Variants in CADPS observed in about 807,000 individuals in gnomAD.
The protein encoded by CADPS is calcium dependent secretion activator, also known as calcium-dependent secretion activator 1.
Under a neutral mutation model 167.3 loss-of-function variants are expected in CADPS, and 57 were observed. That is an observed-to-expected ratio of 0.34 (90% CI 0.28 to 0.42). CADPS has a LOEUF of 0.42. CADPS is among the 20% of genes least tolerant of loss of function. The pLI is 1.00. For synonymous variants in CADPS, 676 were observed against 635.3 expected (o/e 1.06, Z -0.96); for missense variants, 1,414 against 1,738.1 (o/e 0.81, Z 3.32).
chr3:62,535,451 A>C (rs2074496015), intron 12 of CADPS, among the ~76,000 whole-genome samples: 1 of 151,830 alleles, frequency 6.6e-6, no homozygotes, highest in African/African-American at 2.4e-5. Context: ...GAAATTTAAA[A>C]TAAAAATTAG....
Position 62,874,876 on chromosome 3 carries a change from C to A in CADPS, c.154G>T (p.Gly52Cys). ...CCCACCCCGGCTCCGGCGCCGGCGCCGCCGCCCCCCAGCCCGGCGCTGCCG... is the reference window on the plus strand; with the variant it reads ...CCCACCCCGGCTCCGGCGCCGGCGCAGCCGCCCCCCAGCCCGGCGCTGCCG... ...SAGSAGLGGG[G>C]AGAGAGVGAG... The change falls in exon 1 of 30, where the codon GGC becomes TGC. Residue 52 changes from glycine to cysteine, a missense_variant. Transcript: ENST00000383710. The surrounding 1 kb of genome is among the most constrained non-coding windows in gnomAD (Gnocchi z 7.1). The A allele has an allele frequency of 1.7e-6, 2 of 1,167,936 alleles. No homozygotes were observed. Among genetic ancestry groups the A allele is most frequent in the Non-Finnish European group, 2.1e-6 (2 of 949,654 alleles). 72.3% of individuals were successfully genotyped at this position (1,167,936 alleles called of 1,614,324 possible).
At chr3:62,600,757 C>T (rs2059839756) in intron 6 of CADPS, among the ~76,000 whole-genome samples, 1 of 152,210 alleles carries the variant, frequency 6.6e-6, no homozygotes, top group Admixed American at 6.5e-5. Context: ...AGAAATAACA[C>T]TTATAACGTG....
intron 3 of CADPS, among the ~76,000 whole-genome samples, chr3:62,677,600 C>T (rs897153881): frequency 3.9e-5 from 6 of 152,070 alleles, no homozygotes; most frequent in African/African-American, 1.2e-4. Context: ...AATTATCCAG[C>T]TTAAAATGTC....
intron 6 of CADPS, among the ~76,000 whole-genome samples, chr3:62,641,359 A>G (rs888644173): frequency 6.6e-6 from 1 of 152,228 alleles, no homozygotes; most frequent in African/African-American, 2.4e-5. Context: ...TCTTTTTCAC[A>G]TAATTTCATC....
chr3:62,412,823 A>G lies in CADPS; in HGVS notation c.3778-9638T>C, dbSNP rs747990072. Reference sequence around the variant, plus strand: ...ATCCAAAGCTTAGCTTATATGAACTATCTAGGGGTCTCTCTCTGGAAGACA... The same window carrying G: ...ATCCAAAGCTTAGCTTATATGAACTGTCTAGGGGTCTCTCTCTGGAAGACA... On this transcript the variant is annotated intron_variant, in intron 28 of 29. Coordinates refer to ENST00000383710, the MANE Select transcript of CADPS (RefSeq NM_003716.4). This position sits in a 1 kb window ranked among gnomAD's most constrained non-coding sequence, Gnocchi z 4.1. 5.3e-5 allele frequency among the ~76,000 whole-genome samples: 8 copies of G among 152,200 alleles called. No individual in the cohort carries two copies. Among genetic ancestry groups the G allele is most frequent in the African/African-American group, 4.8e-5 (2 of 41,440 alleles).
chr3:62,808,666 G>A (rs1386808155), intron 1 of CADPS, among the ~76,000 whole-genome samples: 1 of 152,008 alleles, frequency 6.6e-6, no homozygotes, highest in Non-Finnish European at 1.5e-5. Context: ...CCAGGGCCCT[G>A]TCCTGGGTGT....
At chr3:62,705,027 C>T (rs1542965) in intron 3 of CADPS, among the ~76,000 whole-genome samples, 120,688 of 152,006 alleles carry the variant, frequency 0.79, 48,182 homozygotes, top group East Asian at 0.98. Flanking sequence ...CTTGATGATG[C>T]TTGGGATTCC....
At chr3:62,617,496 C>T (rs559047802) in intron 6 of CADPS, among the ~76,000 whole-genome samples, 2 of 152,244 alleles carry the variant, frequency 1.3e-5, no homozygotes, top group Admixed American at 1.3e-4. Flanking sequence ...TATCAAGTAT[C>T]CCCTGTGCTT....
At chr3:62,866,650 GGAC>G (rs916826869) in intron 1 of CADPS, among the ~76,000 whole-genome samples, 29 of 152,092 alleles carry the variant, frequency 1.9e-4, no homozygotes, top group African/African-American at 5.8e-4. Context: ...AGAAAGGTGA[GGAC>G]GACATTTTGC....
rs141461468 is a variant in CADPS, at chr3:62,552,824, G to A, written c.1754-2709C>T. ...TCACACCAATAAAGCTTTACTAAAA[G>A]ATTTTTGGTGGTTTTTATTATAAGG... On this transcript the variant is annotated intron_variant, in intron 10 of 29. Transcript: ENST00000383710. Among the ~76,000 whole-genome samples, 1,171 of 152,202 alleles carry A rather than the reference G, an allele frequency of 7.7e-3. 14 individuals are homozygous for A. The highest frequency in any genetic ancestry group is 0.011 in the Non-Finnish European group (778 of 68,010).
intron 8 of CADPS, among the ~76,000 whole-genome samples, chr3:62,584,453 C>T (rs750375967): frequency 6.6e-5 from 10 of 152,164 alleles, no homozygotes; most frequent in Non-Finnish European, 1.3e-4. Flanking sequence ...GCAGAATACC[C>T]GCCAAACACT....
chr3:62,525,076 T>C (rs2071721794), intron 13 of CADPS, among the ~76,000 whole-genome samples: 1 of 152,202 alleles, frequency 6.6e-6, no homozygotes, highest in Non-Finnish European at 1.5e-5. Flanking sequence ...TACCAGTTAA[T>C]TCAATGACTA....
rs994435721 is a variant in CADPS, at chr3:62,874,333, T to G, written c.441+256A>C. 1.3e-5 allele frequency among the ~76,000 whole-genome samples: 2 copies of G among 152,078 alleles called. No homozygotes were observed. Among genetic ancestry groups the G allele is most frequent in the Non-Finnish European group, 2.9e-5 (2 of 67,994 alleles). ...GCCTCGCTCACCAACGCTCCCGGGCTGGGGGGGCTCGAGCAAGCGGCGCTG... is the reference window on the plus strand; with the variant it reads ...GCCTCGCTCACCAACGCTCCCGGGCGGGGGGGGCTCGAGCAAGCGGCGCTG... On this transcript the variant is annotated intron_variant, in intron 1 of 29. Coordinates refer to ENST00000383710, the MANE Select transcript of CADPS (RefSeq NM_003716.4). This position sits in a 1 kb window ranked among gnomAD's most constrained non-coding sequence, Gnocchi z 7.1.
At chr3:62,837,937 G>A (rs1230194741) in intron 1 of CADPS, among the ~76,000 whole-genome samples, 1 of 152,178 alleles carries the variant, frequency 6.6e-6, no homozygotes, top group African/African-American at 2.4e-5. Flanking sequence ...ATTAAAGATG[G>A]ATTAATTAAG....
intron 1 of CADPS, among the ~76,000 whole-genome samples, chr3:62,806,894 T>A (rs1367830264): frequency 6.6e-6 from 1 of 152,242 alleles, no homozygotes; most frequent in African/African-American, 2.4e-5. Context: ...CAACTCTTCC[T>A]GAATAAGATT....
intron 1 of CADPS, among the ~76,000 whole-genome samples, chr3:62,845,201 G>A (rs2077214751): frequency 6.6e-6 from 1 of 152,140 alleles, no homozygotes; most frequent in Non-Finnish European, 1.5e-5. Flanking sequence ...AGATTTTCAG[G>A]CTCTGTCAGA....
At chr3:62,871,593 C>T (rs536432976) in intron 1 of CADPS, among the ~76,000 whole-genome samples, 5 of 152,138 alleles carry the variant, frequency 3.3e-5, no homozygotes, top group Non-Finnish European at 5.9e-5. Context: ...TACCCATCTA[C>T]GTGGTGCTTT....
In CADPS at chr3:62,712,935, G is replaced by T. The variant is rs541483378; in HGVS notation, c.888+40506C>A. On this transcript the variant is annotated intron_variant, in intron 3 of 29. Coordinates refer to ENST00000383710, the MANE Select transcript of CADPS (RefSeq NM_003716.4). ...AAGACTGAAGGCCATATAGTTAATG[G>T]ATGCAAATGAGCCAGCCTCAAACCT... Among the ~76,000 whole-genome samples the T allele has an allele frequency of 1.1e-4, 17 of 152,280 alleles. No homozygotes were observed. The South Asian group carries it at 3.5e-3, about 32-fold the overall frequency.
intron 6 of CADPS, among the ~76,000 whole-genome samples, chr3:62,639,946 G>A (rs572377856): frequency 6.6e-6 from 1 of 152,152 alleles, no homozygotes; most frequent in South Asian, 2.1e-4. Context: ...TATCACAGCA[G>A]CCTGCTCATT....
Sources: gnomAD v4.1 joint callset for allele counts (sites outside exome capture counted in the v4.1 genomes callset) on GRCh38, gnomAD v4.1.1 for gene constraint, Gnocchi (gnomAD v3.1) non-coding constraint, MANE v1.5 for transcripts, NCBI Gene and HGNC (gene_info 2026-07-23, HGNC 2026-07-21) for gene names.